B3GALT1: variants seen among roughly 807,000 people sequenced by gnomAD.
The protein encoded by B3GALT1 is UDP-Gal:betaGlcNAc beta 1,3-galactosyltransferase, polypeptide 1.
Under a neutral mutation model 23.2 loss-of-function variants are expected in B3GALT1, and 10 were observed. That is an observed-to-expected ratio of 0.43 (90% confidence interval 0.27 to 0.73). The LOEUF is 0.73. Ranked by LOEUF, B3GALT1 falls within the 30% of genes least tolerant of loss-of-function variation. The probability of loss-of-function intolerance (pLI) is 0.21; values close to 1 mark genes in which losing one functional copy is unlikely to be tolerated. For missense variants in B3GALT1, 299 were observed against 405.4 expected, an observed-to-expected ratio of 0.74 and a Z score of 2.25; for synonymous variants, 156 against 141.5, an observed-to-expected ratio of 1.10 and a Z score of -0.73.
At chr2:167,751,112 G>A (rs145420104) in intron 3 of B3GALT1, among the ~76,000 whole-genome samples, 46 of 152,274 alleles carry the variant, frequency 3.0e-4, no homozygotes, top group African/African-American at 1.0e-3. Flanking sequence ...TACAAAAATA[G>A]CAAGCTAGAT....
At chr2:167,758,063 AT>A (rs1371009604) in intron 3 of B3GALT1, among the ~76,000 whole-genome samples, 1 of 152,220 alleles carries the variant, frequency 6.6e-6, no homozygotes, top group East Asian at 1.9e-4. Context: ...AAATGTATGA[AT>A]TCCAATGGGA....
chr2:167,686,924 G>A (rs548000207), intron 3 of B3GALT1, among the ~76,000 whole-genome samples: 1 of 152,250 alleles, frequency 6.6e-6, no homozygotes, highest in South Asian at 2.1e-4. Flanking sequence ...CCTTCACACA[G>A]CCAGAGGATG....
chr2:167,396,999 G>A (rs1698109915), intron 1 of B3GALT1, among the ~76,000 whole-genome samples: 1 of 152,108 alleles, frequency 6.6e-6, no homozygotes, highest in Non-Finnish European at 1.5e-5. Context: ...ACTGGCTAAT[G>A]TAATAAAATT....
intron 2 of B3GALT1, among the ~76,000 whole-genome samples, chr2:167,532,798 G>A (rs1683350922): frequency 6.7e-6 from 1 of 148,432 alleles, no homozygotes; most frequent in South Asian, 2.2e-4. Context: ...AGCTTTCTTA[G>A]AGTATTTTAT....
At chr2:167,546,133 A>C (rs1029736331) in intron 2 of B3GALT1, among the ~76,000 whole-genome samples, 2 of 152,220 alleles carry the variant, frequency 1.3e-5, no homozygotes, top group Non-Finnish European at 2.9e-5. Context: ...CTTAGTCTGT[A>C]AAAGGAGACA....
chr2:167,559,027 G>T (rs1285063643), intron 2 of B3GALT1, among the ~76,000 whole-genome samples: 2 of 152,224 alleles, frequency 1.3e-5, no homozygotes, highest in East Asian at 3.9e-4. Flanking sequence ...CCTGACCCAT[G>T]TCCCCTGAGC....
intron 3 of B3GALT1, among the ~76,000 whole-genome samples, chr2:167,801,788 T>C (rs995574496): frequency 6.6e-6 from 1 of 152,212 alleles, no homozygotes; most frequent in Non-Finnish European, 1.5e-5. Flanking sequence ...TGACAACATT[T>C]GTGGGGAAAG....
chr2:167,790,457 C>T (rs1019498681), intron 3 of B3GALT1, among the ~76,000 whole-genome samples: 2 of 152,196 alleles, frequency 1.3e-5, no homozygotes, highest in Non-Finnish European at 2.9e-5. Flanking sequence ...TTCTGTGACT[C>T]TAACAGATAA....
intron 2 of B3GALT1, among the ~76,000 whole-genome samples, chr2:167,541,817 A>G (rs967855232): frequency 2.6e-5 from 4 of 152,140 alleles, no homozygotes; most frequent in Non-Finnish European, 1.5e-5. Flanking sequence ...TTTTGCATTT[A>G]CATAGCAGTT....
In B3GALT1 at chr2:167,340,147, A is replaced by G. The variant is rs1037988155; in HGVS notation, c.-511+46813A>G. Among the ~76,000 whole-genome samples, 5 of 152,260 alleles carry G rather than the reference A, an allele frequency of 3.3e-5. No individual in the cohort carries two copies. In the East Asian group the frequency reaches 9.7e-4, roughly 29 times the overall value. On this transcript the variant is annotated intron_variant, in intron 1 of 4. Coordinates refer to ENST00000392690, the MANE Select transcript of B3GALT1 (RefSeq NM_020981.4). ...CAAGGGTTGGAGCAAGGGAAGGTAC[A>G]TGAGATCAATAAATGAGAGTTGAAA...
intron 3 of B3GALT1, chr2:167,715,032 T>G: frequency 6.2e-7 from 1 of 1,611,706 alleles, no homozygotes. Context: ...TCCTTTGTTT[T>G]GTCCACTTCA....
rs114953554 is a variant in B3GALT1 at position 167,600,681 on chromosome 2, T to A, written c.-409-46228T>A. On this transcript the variant is annotated intron_variant, in intron 2 of 4. Coordinates refer to ENST00000392690, the MANE Select transcript of B3GALT1 (RefSeq NM_020981.4). ...GTTTCTGTTACTTAGCATAATGTTTTCAAGGTTCATCCAGGTTGTGACATG... is the reference window on the plus strand; with the variant it reads ...GTTTCTGTTACTTAGCATAATGTTTACAAGGTTCATCCAGGTTGTGACATG... 9.0e-3 allele frequency among the ~76,000 whole-genome samples: 1,375 copies of A among 152,332 alleles called. 11 individuals are homozygous for A. Among genetic ancestry groups the A allele is most frequent in the South Asian group, 0.03 (146 of 4,818 alleles).
chr2:167,343,508 C>T (rs575505731), intron 1 of B3GALT1, among the ~76,000 whole-genome samples: 1 of 152,228 alleles, frequency 6.6e-6, no homozygotes, highest in Admixed American at 6.5e-5. Flanking sequence ...TAAGCAATGT[C>T]AGAAGGAACC....
chr2:167,486,237 T>C (rs928488112), intron 1 of B3GALT1, among the ~76,000 whole-genome samples: 1 of 150,880 alleles, frequency 6.6e-6, no homozygotes, highest in Non-Finnish European at 1.5e-5. Context: ...CGCATGCCTG[T>C]AGTCCCAGCT....
chr2:167,475,304 A>T (rs1173573708), intron 1 of B3GALT1, among the ~76,000 whole-genome samples: 3 of 152,096 alleles, frequency 2.0e-5, no homozygotes, highest in Admixed American at 6.6e-5. Flanking sequence ...CCTCTCCATT[A>T]TCAGTTCCAC....
intron 3 of B3GALT1, among the ~76,000 whole-genome samples, chr2:167,813,234 A>G (rs752813876): frequency 4.6e-5 from 7 of 152,188 alleles, no homozygotes; most frequent in Non-Finnish European, 8.8e-5. Context: ...TATCTCATCA[A>G]TTCATTTAAG....
intron 2 of B3GALT1, among the ~76,000 whole-genome samples, chr2:167,514,344 A>C (rs1700070619): frequency 6.6e-6 from 1 of 152,374 alleles, no homozygotes; most frequent in East Asian, 1.9e-4. Context: ...GAACTGAATA[A>C]GCAAAATCAT....
chr2:167,413,196 TG>T (rs909637460), intron 1 of B3GALT1, among the ~76,000 whole-genome samples: 1 of 151,926 alleles, frequency 6.6e-6, no homozygotes, highest in African/African-American at 2.4e-5. Flanking sequence ...AGGAGAGAGA[TG>T]GGGGGATAGA....
intron 2 of B3GALT1, among the ~76,000 whole-genome samples, chr2:167,514,528 G>A (rs1558888816): frequency 6.6e-6 from 1 of 152,164 alleles, no homozygotes; most frequent in Non-Finnish European, 1.5e-5. Context: ...TGGCTAAGGA[G>A]AAAGTTAGTT....
Sources: allele counts gnomAD v4.1 joint callset (sites outside exome capture counted in the v4.1 genomes callset), GRCh38; gene constraint gnomAD v4.1.1; transcripts MANE v1.5; gene names NCBI Gene and HGNC (gene_info 2026-07-23, HGNC 2026-07-21).